Variants in MORC4 observed in about 807,000 individuals in gnomAD.
The protein encoded by MORC4 is MORC family CW-type zinc finger 4.
MORC4 carries 22 observed loss-of-function variants against 65.5 expected under a neutral mutation model. The ratio of observed to expected loss-of-function variants is 0.34; its 90% CI spans 0.24 to 0.48. The LOEUF is 0.48. Among genes scored for constraint, MORC4 ranks in the 20% least tolerant of loss-of-function variants. The pLI is 0.99. For synonymous variants in MORC4, 267 were observed against 255.8 expected, an observed-to-expected ratio of 1.04 and a Z score of -0.42; for missense variants, 624 against 703.0, an observed-to-expected ratio of 0.89 and a Z score of 1.27.
rs1256711768 is a variant in MORC4, at chrX:106,962,016, T to C, written c.1252A>G (p.Ile418Val). 2 of 1,190,284 alleles carry C rather than the reference T, an allele frequency of 1.7e-6. No homozygotes were observed. The highest frequency in any genetic ancestry group is 4.4e-5 in the Admixed American group (2 of 45,715). ...TATTCTGTATGTATTACTTACGGTA[T>C]TGGCCTGGCTACAGTTGAGGTCTCA... The part of the protein sequence containing the change: ...NFETSTVARP[I>V]PKVPDQTWVQ... The change falls in exon 10 of 17, where the codon ATA (isoleucine) becomes GTA (valine). Residue 418 changes from isoleucine (I) to valine (V), a missense_variant. Transcript: ENST00000355610.
At chrX:106,987,509 C>T (rs1321319521) in intron 3 of MORC4, among the ~76,000 whole-genome samples, 2 of 111,840 alleles carry the variant, frequency 1.8e-5, no homozygotes, top group East Asian at 2.8e-4. Flanking sequence ...TAATAAGAGA[C>T]ATGATTCTTG....
intron 14 of MORC4, among the ~76,000 whole-genome samples, chrX:106,946,412 A>G (rs1031319349): frequency 2.2e-4 from 25 of 112,528 alleles, no homozygotes; most frequent in African/African-American, 8.0e-4. Context: ...TGCTTCTTTC[A>G]TTTAACACAA....
At chrX:106,946,386 CAT>C (rs1159344446) in intron 14 of MORC4, among the ~76,000 whole-genome samples, 2 of 112,394 alleles carry the variant, frequency 1.8e-5, no homozygotes, top group African/African-American at 6.5e-5. Context: ...TGGAATAAAA[CAT>C]ATGATTTTTA....
intron 14 of MORC4, among the ~76,000 whole-genome samples, chrX:106,947,114 C>T (rs1733850097): frequency 9.1e-6 from 1 of 110,456 alleles, no homozygotes; most frequent in South Asian, 3.8e-4. Context: ...GAAATTAAGA[C>T]GTGTCATTTA....
At chrX:106,986,797 G>A (rs1483923168) in intron 3 of MORC4, among the ~76,000 whole-genome samples, 1 of 111,698 alleles carries the variant, frequency 9.0e-6, no homozygotes, top group African/African-American at 3.3e-5. Context: ...ATTGGAATGT[G>A]GCCAAAGGAT....
chrX:106,980,937 T>G lies in MORC4; in HGVS notation c.890A>C (p.Lys297Thr). 2.9e-5 allele frequency: 35 copies of G among 1,208,339 alleles called. 1 individual carries two copies. The highest frequency in any genetic ancestry group is 3.6e-5 in the Non-Finnish European group (32 of 892,227). The part of the protein sequence containing the change: ...QKKVTTQMIA[K>T]SLANVEYDTY... ...ATCATATTCTACATTGGCCAGGCTCTTGGCAATCATCTGGGTAGTCACCTT... is the reference window on the plus strand; with the variant it reads ...ATCATATTCTACATTGGCCAGGCTCGTGGCAATCATCTGGGTAGTCACCTT... Residue 297 changes from lysine to threonine, a missense_variant, in exon 7 of 17, where the codon AAG (lysine) becomes ACG (threonine). By Grantham distance (78) the Lys-to-Thr change is moderately conservative. Coordinates refer to ENST00000355610, the MANE Select transcript of MORC4 (RefSeq NM_024657.5).
chrX:106,997,259 C>G (rs1470094313), intron 2 of MORC4, among the ~76,000 whole-genome samples: 1 of 112,143 alleles, frequency 8.9e-6, no homozygotes, highest in Non-Finnish European at 1.9e-5. Context: ...ATCCTATTTA[C>G]TCTATTTCCA....
At chrX:106,958,222 C>A (rs1934155046) in intron 11 of MORC4, 114 bp downstream of exon 11, 3 of 713,377 alleles carry the variant, frequency 4.2e-6, no homozygotes, top group Non-Finnish European at 4.1e-6. Flanking sequence ...GGTCAGTCAG[C>A]ACAGGGCCTT....
At chrX:106,979,462 A>T (rs776246770) in intron 7 of MORC4, among the ~76,000 whole-genome samples, 1 of 111,169 alleles carries the variant, frequency 9.0e-6, no homozygotes, top group African/African-American at 3.3e-5. Flanking sequence ...GTGAGGGTAC[A>T]GTGGGGTAGG....
intron 2 of MORC4, among the ~76,000 whole-genome samples, chrX:106,995,356 C>CCGGTCACA (rs1569310071): frequency 8.9e-6 from 1 of 111,748 alleles, no homozygotes; most frequent in East Asian, 2.8e-4. Context: ...CTGGAGCCTC[C>CCGGTCACA]CGGTCACACC....
At chrX:106,950,035 C>A (rs1444772018) in intron 14 of MORC4, among the ~76,000 whole-genome samples, 1 of 111,954 alleles carries the variant, frequency 8.9e-6, no homozygotes, top group South Asian at 3.7e-4. Flanking sequence ...GCCAGTGAGG[C>A]TCCTCTTCTT....
chrX:106,998,775 C>A (rs1321840567), intron 2 of MORC4, among the ~76,000 whole-genome samples: 1 of 112,377 alleles, frequency 8.9e-6, no homozygotes, highest in Admixed American at 9.4e-5. Flanking sequence ...CCAAGTAAGT[C>A]CCCTGCTACC....
chrX:106,994,557 AT>A (rs1329302447), intron 2 of MORC4, among the ~76,000 whole-genome samples: 2 of 112,233 alleles, frequency 1.8e-5, no homozygotes, highest in African/African-American at 6.5e-5. Context: ...CAAAACACCC[AT>A]TTTTTATAAC....
At chrX:106,990,894 A>G (rs1254312848) in intron 3 of MORC4, among the ~76,000 whole-genome samples, 1 of 110,560 alleles carries the variant, frequency 9.0e-6, no homozygotes, top group Non-Finnish European at 1.9e-5. Context: ...TTTTTAATTA[A>G]AAAAAAAGGT....
Position 106,941,268 on chromosome X carries a change from A to G in MORC4, c.*211T>C. ...TCTGACCCTAGACTCTTGAAAGCCTATTTAAACTGGCCTCTTTCTCCACAC... is the reference window on the plus strand; with the variant it reads ...TCTGACCCTAGACTCTTGAAAGCCTGTTTAAACTGGCCTCTTTCTCCACAC... On this transcript the variant is annotated 3_prime_UTR_variant, in exon 17 of 17. Transcript: ENST00000355610. 6.0e-6 allele frequency: 2 copies of G among 333,849 alleles called. No individual in the cohort carries two copies. The highest frequency in any genetic ancestry group is 9.0e-5 in the East Asian group (2 of 22,115). 27.5% of individuals were successfully genotyped at this position (333,849 alleles called of 1,213,427 possible).
In MORC4 at chrX:106,958,450, T is replaced by C; in HGVS notation, c.1271A>G (p.Gln424Arg). The C allele has an allele frequency of 1.7e-6, 2 of 1,206,340 alleles. No homozygotes were observed. The highest frequency in any genetic ancestry group is 3.6e-5 in the South Asian group (2 of 55,921). ...ACACTCATCACACTGAACCCATGTC[T>C]GGTCAGGAACCTTCCTGAATGAAGG... ...VARPIPKVPD[Q>R]TWVQCDECLK... Residue 424 changes from glutamine to arginine, a missense_variant, in exon 11 of 17, where the codon CAG (glutamine) becomes CGG (arginine). By Grantham distance (43) the Gln-to-Arg change is conservative (BLOSUM62 1). Coordinates refer to ENST00000355610, the MANE Select transcript of MORC4 (RefSeq NM_024657.5).
rs753994290 is a variant in MORC4, at chrX:106,991,798, G to A, written c.308+1432C>T. Among the ~76,000 whole-genome samples the A allele has an allele frequency of 9.9e-5, 11 of 111,034 alleles. No individual in the cohort carries two copies. The East Asian group carries it at 1.7e-3, about 17-fold the overall frequency. ...CACACCCCTATAATCCCAGCTACTC[G>A]GGAGGCTGAGGTACGAGAATCATTT... On this transcript the variant is annotated intron_variant, in intron 3 of 16. Transcript: ENST00000355610.
At chrX:106,956,571 G>A (rs1427703118) in intron 12 of MORC4, 37 bp from the exon 13 acceptor site, 1 of 1,067,223 alleles carries the variant, frequency 9.4e-7, no homozygotes, top group Admixed American at 2.2e-5. Context: ...GTTCACTCAT[G>A]AAACTTCTCA....
chrX:106,970,139 T>G (rs1934474958), intron 9 of MORC4, among the ~76,000 whole-genome samples: 1 of 111,805 alleles, frequency 8.9e-6, no homozygotes, highest in Admixed American at 9.5e-5. Flanking sequence ...ACAATCAAGT[T>G]GGCTTCATCC....
Sources: allele counts gnomAD v4.1 joint callset (sites outside exome capture counted in the v4.1 genomes callset), GRCh38; gene constraint gnomAD v4.1.1; transcripts MANE v1.5; gene names NCBI Gene and HGNC (gene_info 2026-07-23, HGNC 2026-07-21).